The following TVP23A variants were observed in gnomAD, a reference collection of about 807,000 sequenced individuals.
TVP23A encodes trans-golgi network vesicle protein 23 homolog A.
Under a neutral mutation model 31.7 loss-of-function variants are expected in TVP23A, and 21 were observed. That is an observed-to-expected ratio of 0.66 (90% confidence interval 0.47 to 0.95). The LOEUF (loss-of-function observed/expected upper bound fraction) is 0.95, where lower values mean the gene tolerates loss of function less well. TVP23A is among the 40% of genes least tolerant of loss of function. The pLI, the probability that TVP23A is intolerant of heterozygous loss-of-function variation, is 0.00. For synonymous variants in TVP23A, 104 were observed against 96.0 expected, an observed-to-expected ratio of 1.08 and a Z score of -0.49; for missense variants, 279 against 255.6, an observed-to-expected ratio of 1.09 and a Z score of -0.62.
chr16:10,761,851 C>T (rs372446215), downstream of TVP23A: 111 of 1,613,318 alleles, frequency 6.9e-5, no homozygotes, highest in South Asian at 5.4e-4. Flanking sequence ...CCCCTGGATC[C>T]GCTCATAGGT....
intron 3 of TVP23A, 113 bp from the exon 4 acceptor site, chr16:10,774,241 GA>G: frequency 1.5e-6 from 1 of 686,862 alleles, no homozygotes; most frequent in Non-Finnish European, 2.4e-6. Flanking sequence ...GGAGCAGGAA[GA>G]AAAAAGGCCT....
chr16:10,811,086 G>A (rs557143046), intron 2 of TVP23A, among the ~76,000 whole-genome samples: 16 of 152,258 alleles, frequency 1.1e-4, no homozygotes, highest in African/African-American at 3.9e-4. Context: ...GTTCCCAGGG[G>A]CTTGGGGAAA....
intron 2 of TVP23A, among the ~76,000 whole-genome samples, chr16:10,782,626 C>G (rs752052279): frequency 2.6e-5 from 4 of 152,106 alleles, no homozygotes; most frequent in Admixed American, 1.3e-4. Context: ...TGTCAGCCTT[C>G]CAAGTAGCTG....
At chr16:10,799,679 T>C (rs1465136754) in intron 2 of TVP23A, among the ~76,000 whole-genome samples, 1 of 152,152 alleles carries the variant, frequency 6.6e-6, no homozygotes, top group Admixed American at 6.5e-5. Flanking sequence ...TTGTGTTAGG[T>C]GGTTTCAAGG....
At chr16:10,758,840 C>T (rs1268201658), downstream of TVP23A, among the ~76,000 whole-genome samples, 2 of 152,194 alleles carry the variant, frequency 1.3e-5, no homozygotes, top group South Asian at 2.1e-4. Flanking sequence ...CAGCAACCCT[C>T]TGTAGCAGTC....
rs760384677 is a variant in TVP23A at position 10,761,447 on chromosome 16, G to C, written c.*328C>G. 34 of 1,613,992 alleles carry C rather than the reference G, an allele frequency of 2.1e-5. No individual in the cohort carries two copies. The highest frequency in any genetic ancestry group is 2.7e-5 in the Non-Finnish European group (32 of 1,179,980). Reference sequence around the variant, plus strand: ...CCATCATCGGGGTGGTGGAGAACATGAGTGGCTTCATCTGTCCTAAGTGCA... The same window carrying C: ...CCATCATCGGGGTGGTGGAGAACATCAGTGGCTTCATCTGTCCTAAGTGCA... On this transcript the variant is annotated 3_prime_UTR_variant and NMD_transcript_variant, in exon 9 of 9. Transcript: ENST00000456096.
In TVP23A at chr16:10,766,902, G is replaced by A. The variant is rs530188747; in HGVS notation, c.*2200C>T. 1.8e-5 allele frequency: 7 copies of A among 398,556 alleles called. No homozygotes were observed. The highest frequency in any genetic ancestry group is 6.2e-5 in the African/African-American group (3 of 48,734). The allele number at this position is 398,556 out of a possible 1,614,324, so 24.7% of individuals were successfully genotyped here. Reference sequence around the variant, plus strand: ...ACATTTCCTGTTATGGCTCAAGTGCGAATTGGCCTTATGTTCCCTGCCTCT... The same window carrying A: ...ACATTTCCTGTTATGGCTCAAGTGCAAATTGGCCTTATGTTCCCTGCCTCT... On this transcript the variant is annotated 3_prime_UTR_variant, in exon 8 of 8. Transcript: ENST00000299866. This position sits in a 1 kb window ranked among gnomAD's most constrained non-coding sequence, Gnocchi z 4.8.
chr16:10,818,386 C>T lies in TVP23A; in HGVS notation c.9+99G>A, dbSNP rs902484850. 7 of 1,518,664 alleles carry T rather than the reference C, an allele frequency of 4.6e-6. No homozygotes were observed. The Middle Eastern group carries it at 7.0e-4, about 153-fold the overall frequency. 94.1% of individuals were successfully genotyped at this position (1,518,664 alleles called of 1,614,324 possible). On this transcript the variant is annotated intron_variant, in intron 1 of 7. Coordinates refer to ENST00000299866, the MANE Select transcript of TVP23A (RefSeq NM_001079512.4). The surrounding 1 kb of genome is among the most constrained non-coding windows in gnomAD (Gnocchi z 4.7). ...CCACCGGGTGCAGCCCAGCCCCAGG[C>T]CCCGGCGCATCCCTCCTCCTCCTCC...
downstream of TVP23A, among the ~76,000 whole-genome samples, chr16:10,762,996 C>T (rs1236150630): frequency 1.3e-5 from 2 of 151,972 alleles, no homozygotes; most frequent in Non-Finnish European, 2.9e-5. Flanking sequence ...CAGGATGAGG[C>T]CCTGGGTTCT....
chr16:10,806,935 G>T (rs899654569), intron 2 of TVP23A, among the ~76,000 whole-genome samples: 2 of 152,216 alleles, frequency 1.3e-5, no homozygotes, highest in Non-Finnish European at 2.9e-5. Context: ...CCTAATCAAA[G>T]AGAACTGAAA....
intron 2 of TVP23A, among the ~76,000 whole-genome samples, chr16:10,780,113 GAA>G (rs2032331692): frequency 6.6e-6 from 1 of 150,648 alleles, no homozygotes; most frequent in East Asian, 1.9e-4. Context: ...ATGAATGAAT[GAA>G]TGAATGAATG....
intron 7 of TVP23A, among the ~76,000 whole-genome samples, chr16:10,769,984 T>C (rs1340506578): frequency 6.6e-6 from 1 of 152,160 alleles, no homozygotes; most frequent in African/African-American, 2.4e-5. Context: ...CCCTTGTCTC[T>C]TCCCTCCCCG....
Position 10,773,445 on chromosome 16 carries a change from T to C in TVP23A, c.325-4A>G. 6.3e-7 allele frequency: 1 copy of C among 1,578,540 alleles called. No individual in the cohort carries two copies. Among genetic ancestry groups the C allele is most frequent in the Non-Finnish European group, 8.6e-7 (1 of 1,168,608 alleles). On this transcript the variant is annotated splice_region_variant and splice_polypyrimidine_tract_variant and intron_variant, in intron 4 of 7. Coordinates refer to ENST00000299866, the MANE Select transcript of TVP23A (RefSeq NM_001079512.4). Reference sequence around the variant, plus strand: ...CAGCAATGCTATTCGGAGAGACCTGTTAAAGGAAAGTAATTCAAATGTCAA... The same window carrying C: ...CAGCAATGCTATTCGGAGAGACCTGCTAAAGGAAAGTAATTCAAATGTCAA...
At chr16:10,780,988 T>C (rs2032385994) in intron 2 of TVP23A, among the ~76,000 whole-genome samples, 1 of 152,110 alleles carries the variant, frequency 6.6e-6, no homozygotes, top group African/African-American at 2.4e-5. Context: ...ACAGGTGCTA[T>C]TTCCACACAG....
At chr16:10,814,802 C>T (rs1336751882) in intron 2 of TVP23A, among the ~76,000 whole-genome samples, 1 of 152,220 alleles carries the variant, frequency 6.6e-6, no homozygotes, top group Non-Finnish European at 1.5e-5. Context: ...CAGATAAAGG[C>T]ACAGCCCCAT....
In TVP23A at chr16:10,766,914, T is replaced by C; in HGVS notation, c.*2188A>G. 1 of 398,674 alleles carries C rather than the reference T, an allele frequency of 2.5e-6. No homozygotes were observed. The highest frequency in any genetic ancestry group is 3.6e-5 in the East Asian group (1 of 28,080). 24.7% of individuals were successfully genotyped at this position (398,674 alleles called of 1,614,324 possible). On this transcript the variant is annotated 3_prime_UTR_variant, in exon 8 of 8. Transcript: ENST00000299866. This position sits in a 1 kb window ranked among gnomAD's most constrained non-coding sequence, Gnocchi z 4.8. ...ATGGCTCAAGTGCGAATTGGCCTTA[T>C]GTTCCCTGCCTCTGGACCCTATTTT...
At chr16:10,809,727 T>C (rs1036323134) in intron 2 of TVP23A, among the ~76,000 whole-genome samples, 2 of 151,650 alleles carry the variant, frequency 1.3e-5, no homozygotes, top group Non-Finnish European at 2.9e-5. Flanking sequence ...GGCTAGGGAG[T>C]GGTAGAATCA....
At chr16:10,808,927 C>T (rs2034068847) in intron 2 of TVP23A, among the ~76,000 whole-genome samples, 1 of 152,148 alleles carries the variant, frequency 6.6e-6, no homozygotes, top group Admixed American at 6.5e-5. Flanking sequence ...AAGCCCATGA[C>T]CTTTGGGTTC....
intron 2 of TVP23A, among the ~76,000 whole-genome samples, chr16:10,801,407 A>G (rs1451571295): frequency 2.0e-5 from 3 of 152,210 alleles, no homozygotes; most frequent in Admixed American, 2.0e-4. Context: ...TGAGAAATAA[A>G]GAAAGGCTCG....
Sources: gnomAD v4.1 joint callset for allele counts (sites outside exome capture counted in the v4.1 genomes callset) on GRCh38, gnomAD v4.1.1 for gene constraint, Gnocchi (gnomAD v3.1) non-coding constraint, MANE v1.5 for transcripts, NCBI Gene and HGNC (gene_info 2026-07-23, HGNC 2026-07-21) for gene names.